The following TRAK1 variants were observed in gnomAD, a reference collection of about 807,000 sequenced individuals.
The protein encoded by TRAK1 is trafficking kinesin protein 1.
TRAK1 carries 33 observed loss-of-function variants against 92.1 expected under a neutral mutation model. The observed-to-expected ratio is 0.36, with a 90% CI of 0.27 to 0.48. The LOEUF (loss-of-function observed/expected upper bound fraction) is 0.48. TRAK1 is among the 20% of genes least tolerant of loss of function. The pLI, the probability that TRAK1 is intolerant of heterozygous loss-of-function variation, is 0.99. For missense variants in TRAK1, 1,123 were observed against 1,257.9 expected, an observed-to-expected ratio of 0.89 and a Z score of 1.62; for synonymous variants, 521 against 517.3, an observed-to-expected ratio of 1.01 and a Z score of -0.10.
chr3:42,035,394 C>T lies in TRAK1; in HGVS notation c.-519+21277C>T, dbSNP rs146732297. On this transcript the variant is annotated intron_variant, in intron 1 of 16. Coordinates refer to the TRAK1 transcript ENST00000487159. ...CAGACCTGTCTCCTGAGCTCTGGAC[C>T]TGTTCACCCACCTGTCTGCTCATTC... 5.6e-3 allele frequency among the ~76,000 whole-genome samples: 858 copies of T among 152,264 alleles called. 3 individuals carry two copies. The highest frequency in any genetic ancestry group is 0.014 in the Middle Eastern group (4 of 294).
chr3:42,109,820 G>C (rs1324771048), intron 1 of TRAK1, among the ~76,000 whole-genome samples: 1 of 151,942 alleles, frequency 6.6e-6, no homozygotes, highest in African/African-American at 2.4e-5. Flanking sequence ...GATGAAGCTG[G>C]AAACCATCAT....
intron 1 of TRAK1, among the ~76,000 whole-genome samples, chr3:42,037,763 A>G (rs1490795156): frequency 2.0e-5 from 3 of 152,242 alleles, no homozygotes. Context: ...AATTGGAATC[A>G]TGTCTTTCTG....
At chr3:42,017,239 C>T (rs1299077711) in intron 1 of TRAK1, among the ~76,000 whole-genome samples, 3 of 152,056 alleles carry the variant, frequency 2.0e-5, no homozygotes, top group Non-Finnish European at 4.4e-5. Context: ...CCTGCCTGGG[C>T]GACAGAGTGA....
At chr3:42,013,541 C>T (rs1701388757), upstream of TRAK1, among the ~76,000 whole-genome samples, 1 of 151,000 alleles carries the variant, frequency 6.6e-6, no homozygotes, top group Non-Finnish European at 1.5e-5. The surrounding 1 kb of genome is among the most constrained non-coding windows in gnomAD (Gnocchi z 5.1). Context: ...TGGAGGGCGG[C>T]CCGCAGGTGG....
intron 13 of TRAK1, among the ~76,000 whole-genome samples, chr3:42,206,705 A>T (rs934854088): frequency 2.0e-4 from 30 of 152,356 alleles, no homozygotes; most frequent in African/African-American, 7.2e-4. Flanking sequence ...AAGGCATGGG[A>T]TAAAAATCTG....
At chr3:42,017,593 T>C (rs1413006026) in intron 1 of TRAK1, among the ~76,000 whole-genome samples, 1 of 152,198 alleles carries the variant, frequency 6.6e-6, no homozygotes, top group Non-Finnish European at 1.5e-5. Flanking sequence ...GTGCAAATTT[T>C]AGTGAAGAGA....
intron 8 of TRAK1, among the ~76,000 whole-genome samples, 200 bp downstream of exon 8, chr3:42,193,405 C>A (rs1350793869): frequency 2.0e-5 from 3 of 152,182 alleles, no homozygotes; most frequent in Non-Finnish European, 4.4e-5. Context: ...GACCTCTTAT[C>A]TCCTAAAATT....
chr3:42,022,718 T>TC (rs1232143378), intron 1 of TRAK1, among the ~76,000 whole-genome samples: 7,359 of 66,478 alleles, frequency 0.11, 604 homozygotes, highest in African/African-American at 0.24. Context: ...AGAGACCCTG[T>TC]TTTAAAAAAA....
intron 6 of TRAK1, among the ~76,000 whole-genome samples, chr3:42,190,750 C>T (rs1014900793): frequency 6.6e-6 from 1 of 151,070 alleles, no homozygotes; most frequent in Non-Finnish European, 1.5e-5. Context: ...CTTGCTTTGC[C>T]TCTTTCTCTC....
chr3:42,151,433 G>A (rs751253851), intron 2 of TRAK1: 1 of 445,094 alleles, frequency 2.2e-6, no homozygotes, highest in South Asian at 1.6e-5. Flanking sequence ...CTGTTCAAGG[G>A]TAAATATATT....
At chr3:42,123,556 G>A (rs1020239073) in intron 1 of TRAK1, among the ~76,000 whole-genome samples, 1 of 152,250 alleles carries the variant, frequency 6.6e-6, no homozygotes, top group African/African-American at 2.4e-5. Context: ...AGACATGCAC[G>A]CATGTGCGAG....
At chr3:42,079,881 G>A (rs1704352524) in intron 1 of TRAK1, among the ~76,000 whole-genome samples, 2 of 152,192 alleles carry the variant, frequency 1.3e-5, no homozygotes, top group South Asian at 4.1e-4. Flanking sequence ...CCTACTGGAA[G>A]TTACCTGTGT....
chr3:42,065,972 T>C (rs920493569), intron 1 of TRAK1, among the ~76,000 whole-genome samples: 4 of 152,208 alleles, frequency 2.6e-5, no homozygotes, highest in Admixed American at 2.0e-4. Flanking sequence ...TAAAGGGTTT[T>C]CTTATTCCTT....
chr3:42,137,132 A>C (rs187860839), intron 2 of TRAK1, among the ~76,000 whole-genome samples: 7 of 152,288 alleles, frequency 4.6e-5, no homozygotes, highest in Admixed American at 4.6e-4. Flanking sequence ...GACATAATGC[A>C]TTTTAAATAA....
At chr3:42,183,338 C>T (rs1027323162) in intron 3 of TRAK1, among the ~76,000 whole-genome samples, 1 of 151,814 alleles carries the variant, frequency 6.6e-6, no homozygotes, top group African/African-American at 2.4e-5. Context: ...GGCGAATCAC[C>T]TGAGATCAGG....
rs191740759 is a variant in TRAK1 at position 42,042,484 on chromosome 3, G to A, written c.-519+28367G>A. 2.3e-3 allele frequency among the ~76,000 whole-genome samples: 356 copies of A among 152,132 alleles called. 2 individuals are homozygous for A. The highest frequency in any genetic ancestry group is 4.0e-3 in the Non-Finnish European group (274 of 68,008). ...CCTCCTGGGTTCAAGCGATTCTCAT[G>A]CCTTAGCCTCCAGAGTAGCTGAAAT... On this transcript the variant is annotated intron_variant, in intron 1 of 16. Coordinates refer to the TRAK1 transcript ENST00000487159.
Position 42,199,192 on chromosome 3 carries a change from G to A in TRAK1, c.1129G>A (p.Glu377Lys). The A allele has an allele frequency of 1.2e-6, 2 of 1,613,660 alleles. No individual in the cohort carries two copies. The highest frequency in any genetic ancestry group is 1.7e-6 in the Non-Finnish European group (2 of 1,180,034). ...CTTTTCCCAGGATTCCTTGGCAGCA[G>A]AGATTGAGGGAACGATGCGCAAGGA... ...GLFPMDSLAA[E>K]IEGTMRKELQ... Residue 377 changes from glutamate to lysine, a missense_variant, in exon 11 of 16, where the codon GAG becomes AAG. Physicochemically the swap from Glu to Lys is moderately conservative, Grantham distance 56. Around this residue, in one of 3 missense-constraint regions of TRAK1, gnomAD observed 686 missense variants for 747.6 expected, o/e 0.92. Coordinates refer to ENST00000327628, the MANE Select transcript of TRAK1 (RefSeq NM_001042646.3).
At chr3:42,219,021 T>C (rs1340198991) in intron 14 of TRAK1, 1 of 985,330 alleles carries the variant, frequency 1.0e-6, no homozygotes, top group Non-Finnish European at 1.2e-6. Flanking sequence ...GCTGTGAGCC[T>C]TGCCCTGTTT....
intron 1 of TRAK1, among the ~76,000 whole-genome samples, chr3:42,103,608 A>T (rs1707111445): frequency 6.6e-6 from 1 of 152,140 alleles, no homozygotes; most frequent in Admixed American, 6.5e-5. Context: ...GGGTACACTT[A>T]ACAGACATTT....
Sources: allele counts gnomAD v4.1 joint callset (sites outside exome capture counted in the v4.1 genomes callset), GRCh38; gene constraint gnomAD v4.1.1; regional missense constraint gnomAD v4.1.1; non-coding constraint Gnocchi (gnomAD v3.1); transcripts MANE v1.5; gene names NCBI Gene and HGNC (gene_info 2026-07-23, HGNC 2026-07-21).